Variants in ANKRD11 observed in about 807,000 individuals in gnomAD.
The protein encoded by ANKRD11 is ankyrin repeat domain-containing protein 11.
Under a neutral mutation model 195.7 loss-of-function variants are expected in ANKRD11, and 17 were observed. That is an observed-to-expected ratio of 0.09 (90% CI 0.06 to 0.13). The LOEUF is 0.13. ANKRD11 is among the 10% of genes least tolerant of loss of function. The pLI, the probability that ANKRD11 is intolerant of heterozygous loss-of-function variation, is 1.00. For missense variants in ANKRD11, 3,735 were observed against 3,566.1 expected, an observed-to-expected ratio of 1.05 and a Z score of -1.21; for synonymous variants, 1,953 against 1,528.1, an observed-to-expected ratio of 1.28 and a Z score of -6.49.
chr16:89,351,553 G>C (rs1402041541), intron 2 of ANKRD11, among the ~76,000 whole-genome samples: 1 of 152,172 alleles, frequency 6.6e-6, no homozygotes, highest in Non-Finnish European at 1.5e-5. Flanking sequence ...CAGACTCTCG[G>C]GCAGGTCTGT....
rs1044718329 is a variant in ANKRD11, at chr16:89,288,872, G to A, written c.602-202C>T. The A allele has an allele frequency of 1.3e-4, 85 of 655,152 alleles. 1 individual carries two copies. Among genetic ancestry groups the A allele is most frequent in the African/African-American group, 9.9e-4 (55 of 55,612 alleles). The allele number at this position is 655,152 out of a possible 1,614,324, so 40.6% of individuals were successfully genotyped here. A position where few individuals can be genotyped will look rare whatever the true frequency, so the allele number is the denominator to read the frequency against. On this transcript the variant is annotated intron_variant, in intron 6 of 12. Transcript: ENST00000301030. The stretch of plus-strand genomic sequence containing the variant: ...CTTTACTGTGGCACCTCGTTAGCAC[G>A]ATCCATATCTAGCTTATTAACCCTA...
chr16:89,407,874 GA>G (rs2041973333), intron 2 of ANKRD11, among the ~76,000 whole-genome samples: 1 of 138,520 alleles, frequency 7.2e-6, no homozygotes, highest in African/African-American at 2.7e-5. Flanking sequence ...AAAAAAAAAA[GA>G]AGAAGAAGAA....
chr16:89,474,557 AAAT>A (rs1322118217), intron 1 of ANKRD11, among the ~76,000 whole-genome samples: 1 of 152,164 alleles, frequency 6.6e-6, no homozygotes, highest in African/African-American at 2.4e-5. Flanking sequence ...TTCCATGCAC[AAAT>A]AATGACTGGT....
At chr16:89,482,767 G>C (rs935871955) in intron 1 of ANKRD11, among the ~76,000 whole-genome samples, 1 of 152,308 alleles carries the variant, frequency 6.6e-6, no homozygotes. Context: ...ACTCCAGCCT[G>C]GGCAACAGAG....
At chr16:89,269,730 G>C (rs1186667794) in intron 12 of ANKRD11, among the ~76,000 whole-genome samples, 2 of 151,910 alleles carry the variant, frequency 1.3e-5, no homozygotes, top group African/African-American at 4.8e-5. Flanking sequence ...CAGTCTCCCG[G>C]AATTACAGGC....
intron 2 of ANKRD11, among the ~76,000 whole-genome samples, chr16:89,378,882 G>A: frequency 6.6e-6 from 1 of 151,510 alleles, no homozygotes; most frequent in Admixed American, 6.6e-5. Flanking sequence ...GTGGGGAAGG[G>A]CTTTCCAAGG....
At chr16:89,389,048 A>G (rs1453913330) in intron 2 of ANKRD11, among the ~76,000 whole-genome samples, 1 of 152,256 alleles carries the variant, frequency 6.6e-6, no homozygotes, top group Non-Finnish European at 1.5e-5. Context: ...GAACAATTTG[A>G]GCAAAAAATA....
chr16:89,309,314 C>T (rs1011362984), intron 3 of ANKRD11, among the ~76,000 whole-genome samples: 5 of 152,192 alleles, frequency 3.3e-5, no homozygotes, highest in Non-Finnish European at 4.4e-5. Flanking sequence ...ATGTCTCCCA[C>T]GGAAATCTCA....
At chr16:89,297,904 T>A (rs1233823322) in intron 4 of ANKRD11, 1 of 152,244 alleles carries the variant, frequency 6.6e-6, no homozygotes, top group Non-Finnish European at 1.5e-5. Context: ...AGCTGGGTCA[T>A]CTCTTACGCC....
chr16:89,332,072 G>C (rs1012818181), intron 2 of ANKRD11, among the ~76,000 whole-genome samples: 2 of 151,922 alleles, frequency 1.3e-5, no homozygotes, highest in African/African-American at 2.4e-5. Flanking sequence ...GGGATCATTC[G>C]ATCCCAGGAG....
chr16:89,296,517 GTTTT>G (rs1207041907), intron 4 of ANKRD11, among the ~76,000 whole-genome samples: 12 of 152,146 alleles, frequency 7.9e-5, no homozygotes, highest in Admixed American at 2.0e-4. Flanking sequence ...TGCTCACTGG[GTTTT>G]TTATTTCAGT....
chr16:89,286,305 A>C, intron 7 of ANKRD11, 119 bp from the exon 8 acceptor site: 3 of 1,423,546 alleles, frequency 2.1e-6, no homozygotes, highest in East Asian at 2.3e-5. Context: ...GCAGCCCCTC[A>C]CGGTCTGAGG....
In ANKRD11 at chr16:89,280,470, C is replaced by G. The variant is rs542077760; in HGVS notation, c.6072G>C (p.Pro2024=). The G allele has an allele frequency of 8.9e-5, 143 of 1,601,886 alleles. 1 individual carries two copies. The South Asian group carries it at 1.4e-3, about 16-fold the overall frequency. ...PYPAPPASPA[P]YALPVAEPGL... is the part of the protein sequence containing the mutation. ...CCGGCTCAGCGACGGGCAGAGCGTA[C>G]GGGGCAGGAGAGGCGGGAGGGGCGG... The change falls in exon 9 of 13, where the codon CCG becomes CCC. Residue 2024 remains proline (P), a synonymous_variant. Transcript: ENST00000301030.
chr16:89,432,369 T>C (rs1444151545), intron 1 of ANKRD11, among the ~76,000 whole-genome samples: 3 of 152,050 alleles, frequency 2.0e-5, no homozygotes, highest in African/African-American at 7.2e-5. Flanking sequence ...CCGCTGTTTG[T>C]GACCTCAGGA....
intron 2 of ANKRD11, chr16:89,361,384 C>A (rs1190267735): frequency 6.6e-6 from 1 of 152,524 alleles, no homozygotes; most frequent in Non-Finnish European, 1.5e-5. Flanking sequence ...GGGGCCAGCA[C>A]AGACCACTGA....
chr16:89,481,775 G>A (rs1463932150), intron 1 of ANKRD11, among the ~76,000 whole-genome samples: 1 of 152,168 alleles, frequency 6.6e-6, no homozygotes, highest in Non-Finnish European at 1.5e-5. Flanking sequence ...TTCGTGTTCA[G>A]ACACGTCTGG....
intron 12 of ANKRD11, chr16:89,270,458 C>T (rs1357710392): frequency 1.1e-5 from 4 of 379,312 alleles, no homozygotes; most frequent in Non-Finnish European, 2.0e-5. Context: ...CCCGCCCCTG[C>T]CCACCGCCCT....
chr16:89,313,720 G>A (rs1269125102), intron 3 of ANKRD11: 3 of 627,006 alleles, frequency 4.8e-6, no homozygotes, highest in Non-Finnish European at 7.4e-6. Context: ...CCTGAGTTCT[G>A]GCACTTGGGG....
In ANKRD11 at chr16:89,436,184, ATGGG is replaced by A. The variant is rs138985436; in HGVS notation, c.-144-17820_-144-17817del. On this transcript the variant is annotated intron_variant, in intron 1 of 12. Transcript: ENST00000301030. ...AATCCCAGCACTTTAGGAGACGGAG[ATGGG>A]TGGATCACCTGAGGTCAGGAGTTCG... Among the ~76,000 whole-genome samples, 468 of 152,226 alleles carry A rather than the reference ATGGG, an allele frequency of 3.1e-3. 4 individuals carry two copies. The highest frequency in any genetic ancestry group is 0.011 in the African/African-American group (461 of 41,540).
Sources: allele counts gnomAD v4.1 joint callset (sites outside exome capture counted in the v4.1 genomes callset), GRCh38; gene constraint gnomAD v4.1.1; transcripts MANE v1.5; gene names NCBI Gene and HGNC (gene_info 2026-07-23, HGNC 2026-07-21).